The following DCDC1 variants were observed in gnomAD, a reference collection of about 807,000 sequenced individuals.
The protein encoded by DCDC1 is doublecortin domain-containing protein 1.
A neutral mutation model predicts 178.3 loss-of-function variants in DCDC1; 200 were observed. The ratio of observed to expected loss-of-function variants is 1.12; its 90% CI spans 1.00 to 1.26. The LOEUF (loss-of-function observed/expected upper bound fraction) is 1.26. Ranked by LOEUF, DCDC1 falls within the 50% of genes most tolerant of loss-of-function variation. DCDC1 has a pLI of 0.00. For missense variants in DCDC1, 1,983 were observed against 1,749.2 expected (o/e 1.13, Z -2.38); for synonymous variants, 690 against 604.8 (o/e 1.14, Z -2.07).
chr11:30,977,796 T>C (rs1240760573), intron 20 of DCDC1, among the ~76,000 whole-genome samples: 2 of 152,114 alleles, frequency 1.3e-5, no homozygotes, highest in African/African-American at 4.8e-5. Context: ...CCGGGCATTG[T>C]GGCTTGCCTG....
intron 9 of DCDC1, among the ~76,000 whole-genome samples, chr11:31,225,425 T>C (rs1416357929): frequency 6.6e-6 from 1 of 151,800 alleles, no homozygotes; most frequent in Admixed American, 6.6e-5. Flanking sequence ...CAGCATAAAC[T>C]GCTCAGGTGA....
At chr11:31,191,306 A>G (rs1481264348) in intron 9 of DCDC1, among the ~76,000 whole-genome samples, 2 of 152,044 alleles carry the variant, frequency 1.3e-5, no homozygotes, top group South Asian at 2.1e-4. Flanking sequence ...GCCTTTGTCT[A>G]TGTGTGGAAA....
Position 30,878,491 on chromosome 11 carries a change from A to G in DCDC1, c.*40+53T>C. ...GGGGGGAACTGCATGAAAATAAAAGAGATAAATAATCATAATGTCATAACA... is the reference window on the plus strand; with the variant it reads ...GGGGGGAACTGCATGAAAATAAAAGGGATAAATAATCATAATGTCATAACA... On this transcript the variant is annotated intron_variant, in intron 38 of 38. Coordinates refer to ENST00000684477, the MANE Select transcript of DCDC1 (RefSeq NM_001387274.1). 6.5e-6 allele frequency: 9 copies of G among 1,376,754 alleles called. No individual in the cohort carries two copies. The South Asian group carries it at 1.5e-4, about 23-fold the overall frequency. 85.3% of individuals were successfully genotyped at this position (1,376,754 alleles called of 1,614,324 possible).
At chr11:30,953,118 C>T (rs1411645916) in intron 20 of DCDC1, among the ~76,000 whole-genome samples, 6 of 151,354 alleles carry the variant, frequency 4.0e-5, no homozygotes, top group Non-Finnish European at 8.9e-5. Flanking sequence ...ATATTTGCCA[C>T]ATATACACAA....
chr11:30,933,971 C>G (rs344343), intron 21 of DCDC1, among the ~76,000 whole-genome samples: 1 of 152,136 alleles, frequency 6.6e-6, no homozygotes, highest in Non-Finnish European at 1.5e-5. Context: ...CATTTTCCAC[C>G]CAGCATAACA....
At chr11:30,917,388 T>A (rs888695753) in intron 25 of DCDC1, among the ~76,000 whole-genome samples, 4 of 152,186 alleles carry the variant, frequency 2.6e-5, no homozygotes, top group African/African-American at 9.7e-5. Flanking sequence ...TACCCCATAA[T>A]TGGGTCATAA....
Position 31,276,358 on chromosome 11 carries a change from C to G in DCDC1, c.961-10758G>C, listed in dbSNP as rs79632835. Among the ~76,000 whole-genome samples the G allele has an allele frequency of 8.3e-3, 1,260 of 152,164 alleles. 22 individuals are homozygous for G. Among genetic ancestry groups the G allele is most frequent in the African/African-American group, 0.029 (1,205 of 41,512 alleles). ...TGAAAATGAATGGATAATTGTGAAA[C>G]TAATCATTTGGATTACTAAAAATAC... On this transcript the variant is annotated intron_variant, in intron 7 of 38. Transcript: ENST00000684477.
At chr11:31,088,703 G>A (rs141007368) in intron 17 of DCDC1, among the ~76,000 whole-genome samples, 2 of 151,846 alleles carry the variant, frequency 1.3e-5, no homozygotes, top group African/African-American at 4.8e-5. Context: ...AAAATAATTA[G>A]CACTGTGGGG....
intron 10 of DCDC1, among the ~76,000 whole-genome samples, chr11:31,132,048 T>G (rs1035295962): frequency 1.3e-5 from 2 of 152,230 alleles, no homozygotes; most frequent in African/African-American, 4.8e-5. Context: ...GATTTTTGGT[T>G]GCTTCAGAAA....
At chr11:31,027,791 G>T (rs1487768090) in intron 20 of DCDC1, among the ~76,000 whole-genome samples, 1 of 151,876 alleles carries the variant, frequency 6.6e-6, no homozygotes, top group East Asian at 1.9e-4. Context: ...ACTAATTTCA[G>T]TCATTGCTAA....
intron 26 of DCDC1, 134 bp downstream of exon 26, chr11:30,916,736 A>T (rs1457863226): frequency 2.7e-6 from 3 of 1,095,010 alleles, no homozygotes; most frequent in Non-Finnish European, 3.6e-6. Flanking sequence ...AATCAAAAAC[A>T]TAAGACAAAA....
At chr11:31,237,763 T>C (rs1228698004) in intron 9 of DCDC1, among the ~76,000 whole-genome samples, 2 of 152,084 alleles carry the variant, frequency 1.3e-5, no homozygotes, top group Non-Finnish European at 2.9e-5. Context: ...TTTGGTTTAT[T>C]TATTTTGCTT....
chr11:31,274,732 ACT>A (rs1945853540), intron 7 of DCDC1, among the ~76,000 whole-genome samples: 1 of 141,658 alleles, frequency 7.1e-6, no homozygotes, highest in Non-Finnish European at 1.5e-5. Context: ...ACAGAGTCTC[ACT>A]CTGTCAGCCA....
At chr11:31,127,396 A>T in intron 11 of DCDC1, 73 bp downstream of exon 11, 1 of 616,910 alleles carries the variant, frequency 1.6e-6, no homozygotes, top group South Asian at 1.9e-5. Flanking sequence ...TGGCATTGTT[A>T]TAAGTGTTTT....
intron 18 of DCDC1, among the ~76,000 whole-genome samples, chr11:31,071,406 T>C (rs1956550747): frequency 6.6e-6 from 1 of 152,146 alleles, no homozygotes; most frequent in African/African-American, 2.4e-5. Flanking sequence ...GTAAGTGAAA[T>C]TTCTGAGTCA....
At chr11:31,283,568 T>A (rs1332619515) in intron 7 of DCDC1, among the ~76,000 whole-genome samples, 1 of 152,066 alleles carries the variant, frequency 6.6e-6, no homozygotes, top group Non-Finnish European at 1.5e-5. Flanking sequence ...TTGATCAACT[T>A]TTCTTCTGGA....
chr11:31,349,728 G>A (rs1467766286), intron 1 of DCDC1, among the ~76,000 whole-genome samples: 1 of 151,914 alleles, frequency 6.6e-6, no homozygotes, highest in Non-Finnish European at 1.5e-5. Context: ...GGCTGTTTGT[G>A]GTGGCTCACA....
chr11:30,978,264 A>T (rs1395088995), intron 20 of DCDC1, among the ~76,000 whole-genome samples: 3 of 152,162 alleles, frequency 2.0e-5, no homozygotes, highest in African/African-American at 4.8e-5. Flanking sequence ...TGTACATTGG[A>T]TGGTTTTAAC....
intron 3 of DCDC1, among the ~76,000 whole-genome samples, chr11:31,326,686 G>A (rs561710905): frequency 2.7e-4 from 41 of 152,190 alleles, no homozygotes; most frequent in African/African-American, 9.1e-4. Flanking sequence ...AAAGCAAAAC[G>A]AATTAGCTGA....
Sources: allele counts gnomAD v4.1 joint callset (sites outside exome capture counted in the v4.1 genomes callset), GRCh38; gene constraint gnomAD v4.1.1; transcripts MANE v1.5; gene names NCBI Gene and HGNC (gene_info 2026-07-23, HGNC 2026-07-21).